Variants in DLGAP2 observed in about 807,000 individuals in gnomAD.
The protein encoded by DLGAP2 is DLG associated protein 2.
A neutral mutation model predicts 100.3 loss-of-function variants in DLGAP2; 26 were observed. That is an observed-to-expected ratio of 0.26 (90% confidence interval 0.19 to 0.36). The LOEUF (loss-of-function observed/expected upper bound fraction) is 0.36. Ranked by LOEUF, DLGAP2 falls within the 10% of genes least tolerant of loss-of-function variation. DLGAP2 has a pLI of 1.00. For synonymous variants in DLGAP2, 886 were observed against 630.1 expected (o/e 1.41, Z -6.08); for missense variants, 1,858 against 1,453.2 (o/e 1.28, Z -4.53).
At chr8:1,426,172 A>C (rs563991368) in intron 3 of DLGAP2, among the ~76,000 whole-genome samples, 1 of 152,358 alleles carries the variant, frequency 6.6e-6, no homozygotes, top group East Asian at 1.9e-4. Context: ...CAGCAGGACA[A>C]CTGTGAACTG....
chr8:1,381,523 C>T, intron 3 of DLGAP2: 1 of 152,314 alleles, frequency 6.6e-6, no homozygotes, highest in East Asian at 1.9e-4. Context: ...GGTGCAGCCC[C>T]AGACCTTGCC....
At chr8:1,062,541 C>G (rs973021468) in intron 2 of DLGAP2, among the ~76,000 whole-genome samples, 12 of 152,192 alleles carry the variant, frequency 7.9e-5, no homozygotes, top group Non-Finnish European at 1.2e-4. Flanking sequence ...CGTCCACTTC[C>G]CCTGGTGCGG....
intron 8 of DLGAP2, among the ~76,000 whole-genome samples, chr8:1,644,755 A>G (rs1457444555): frequency 1.3e-5 from 2 of 152,240 alleles, no homozygotes; most frequent in Non-Finnish European, 2.9e-5. Context: ...TATTATTTGT[A>G]TGCCATTACA....
chr8:1,485,573 A>C (rs1458397928), intron 3 of DLGAP2, among the ~76,000 whole-genome samples: 1 of 152,218 alleles, frequency 6.6e-6, no homozygotes, highest in African/African-American at 2.4e-5. Context: ...GAAGATGGCG[A>C]CGCTGGTTTA....
intron 1 of DLGAP2, among the ~76,000 whole-genome samples, chr8:821,620 T>A (rs1458729893): frequency 6.6e-6 from 1 of 152,220 alleles, no homozygotes; most frequent in Non-Finnish European, 1.5e-5. Context: ...AAATGATCAA[T>A]TATTAATATT....
At chr8:1,083,113 G>A (rs1041924050) in intron 2 of DLGAP2, among the ~76,000 whole-genome samples, 2 of 152,224 alleles carry the variant, frequency 1.3e-5, no homozygotes, top group Admixed American at 6.5e-5. Flanking sequence ...ATCTGTGTGT[G>A]AGAGAGGAGT....
chr8:1,050,027 T>C (rs897402946), intron 2 of DLGAP2, among the ~76,000 whole-genome samples: 1 of 152,246 alleles, frequency 6.6e-6, no homozygotes, highest in South Asian at 2.1e-4. Flanking sequence ...CACATGCGGA[T>C]ATGTGTACAC....
rs571664727 is a variant in DLGAP2, at chr8:1,317,122, C to T, written c.106+58239C>T. On this transcript the variant is annotated intron_variant, in intron 3 of 14. Transcript: ENST00000637795. ...AAAAATAGAGCCTGTGCGAGTGCAGCGTCTCTCCAACAGTGGTCTACACTG... is the reference window on the plus strand; with the variant it reads ...AAAAATAGAGCCTGTGCGAGTGCAGTGTCTCTCCAACAGTGGTCTACACTG... Among the ~76,000 whole-genome samples, 37 of 136,754 alleles carry T rather than the reference C, an allele frequency of 2.7e-4. 2 individuals are homozygous for T. The highest frequency in any genetic ancestry group is 7.3e-4 in the African/African-American group (25 of 34,322). 89.7% of individuals were successfully genotyped at this position (136,754 alleles called of 152,430 possible).
chr8:1,360,767 G>A (rs113296656), intron 3 of DLGAP2, among the ~76,000 whole-genome samples: 2,137 of 152,264 alleles, frequency 0.014, 49 homozygotes, highest in African/African-American at 0.049. Flanking sequence ...ATGATGGTCT[G>A]TCTCTTGTGT....
intron 1 of DLGAP2, among the ~76,000 whole-genome samples, chr8:901,714 C>T (rs944464155): frequency 6.6e-6 from 1 of 152,194 alleles, no homozygotes; most frequent in Non-Finnish European, 1.5e-5. Flanking sequence ...AGAACAGCCT[C>T]GATGGCAGCA....
intron 2 of DLGAP2, among the ~76,000 whole-genome samples, chr8:960,326 C>G (rs1341457564): frequency 6.9e-6 from 1 of 144,518 alleles, no homozygotes; most frequent in Non-Finnish European, 1.5e-5. Context: ...ACCTCCACCT[C>G]CTGGCTTCAA....
At chr8:928,147 T>G (rs2129002727) in intron 2 of DLGAP2, among the ~76,000 whole-genome samples, 1 of 152,268 alleles carries the variant, frequency 6.6e-6, no homozygotes, top group East Asian at 1.9e-4. Flanking sequence ...GAATTTCTGG[T>G]CATGTCATAG....
chr8:1,171,879 G>T (rs1015942101), intron 2 of DLGAP2, among the ~76,000 whole-genome samples: 50 of 152,178 alleles, frequency 3.3e-4, no homozygotes, highest in South Asian at 8.3e-4. Context: ...TTTAGTCCAT[G>T]TACATTTAAA....
chr8:996,719 G>A (rs1800794589), intron 2 of DLGAP2, among the ~76,000 whole-genome samples: 1 of 152,162 alleles, frequency 6.6e-6, no homozygotes, highest in Non-Finnish European at 1.5e-5. Flanking sequence ...ATCATTCACT[G>A]TTTAATACTC....
intron 2 of DLGAP2, among the ~76,000 whole-genome samples, chr8:1,181,854 G>A (rs912648513): frequency 2.0e-5 from 3 of 152,262 alleles, no homozygotes; most frequent in South Asian, 2.1e-4. Context: ...CTCCCTGCAC[G>A]GCACCCCCTG....
At chr8:1,100,122 T>C (rs117566952) in intron 2 of DLGAP2, among the ~76,000 whole-genome samples, 13,437 of 147,660 alleles carry the variant, frequency 0.091, 543 homozygotes, top group East Asian at 0.19. Context: ...GCATGTACAG[T>C]GTGTGTAGGG....
chr8:1,547,611 A>C (rs999073970), intron 4 of DLGAP2, among the ~76,000 whole-genome samples: 38 of 151,912 alleles, frequency 2.5e-4, no homozygotes, highest in Admixed American at 7.9e-4. Flanking sequence ...TCTGCAGGTC[A>C]CCCCAGCGCC....
chr8:1,172,466 T>C (rs189565948), intron 2 of DLGAP2, among the ~76,000 whole-genome samples: 1,654 of 152,276 alleles, frequency 0.011, 29 homozygotes, highest in African/African-American at 0.038. Flanking sequence ...CTGGATAATA[T>C]CCTGCAGAGT....
chr8:1,678,659 T>A (rs761841233), intron 12 of DLGAP2, 30 bp downstream of exon 12: 3 of 1,460,868 alleles, frequency 2.1e-6, no homozygotes, highest in Non-Finnish European at 2.7e-6. Flanking sequence ...TAGGGCCTCT[T>A]AAATATCATT....
Sources: allele counts gnomAD v4.1 joint callset (sites outside exome capture counted in the v4.1 genomes callset), GRCh38; gene constraint gnomAD v4.1.1; transcripts MANE v1.5; gene names NCBI Gene and HGNC (gene_info 2026-07-23, HGNC 2026-07-21).